The following PDE11A variants were observed in gnomAD, a reference collection of about 807,000 sequenced individuals.
The protein encoded by PDE11A is phosphodiesterase 11A.
Under a neutral mutation model 100.5 loss-of-function variants are expected in PDE11A, and 100 were observed. The ratio of observed to expected loss-of-function variants is 1.00; its 90% CI spans 0.85 to 1.18. PDE11A has a LOEUF of 1.18. Among genes scored for constraint, PDE11A ranks in the 50% most tolerant of loss-of-function variants. The probability of loss-of-function intolerance (pLI) is 0.00; values close to 1 mark genes in which losing one functional copy is unlikely to be tolerated. For synonymous variants in PDE11A, 381 were observed against 420.8 expected (o/e 0.91, Z 1.16); for missense variants, 1,141 against 1,152.6 (o/e 0.99, Z 0.15).
chr2:177,707,375 T>C (rs1220837264), intron 13 of PDE11A, among the ~76,000 whole-genome samples: 7 of 152,318 alleles, frequency 4.6e-5, no homozygotes, highest in South Asian at 2.1e-4. Flanking sequence ...GGAAGGCTGA[T>C]TGAATGATAC....
chr2:177,710,223 G>T (rs1052656554), intron 13 of PDE11A, among the ~76,000 whole-genome samples: 1 of 152,090 alleles, frequency 6.6e-6, no homozygotes, highest in African/African-American at 2.4e-5. Flanking sequence ...CCCTCTTACC[G>T]AGATAGGAGG....
At chr2:177,787,528 A>C (rs963580409) in intron 9 of PDE11A, among the ~76,000 whole-genome samples, 10 of 152,118 alleles carry the variant, frequency 6.6e-5, no homozygotes, top group African/African-American at 2.2e-4. Flanking sequence ...GATCAAATTC[A>C]CAAATAACAA....
At chr2:178,054,998 T>A (rs1171261000) in intron 1 of PDE11A, among the ~76,000 whole-genome samples, 2 of 152,298 alleles carry the variant, frequency 1.3e-5, no homozygotes, top group South Asian at 4.2e-4. Context: ...CATTACTGAG[T>A]ATATACCCAA....
At position 177,626,295 on chromosome 2, in the gene PDE11A, C is replaced by T. The variant is rs1436631852; in HGVS notation, c.*3112G>A. 6.6e-6 allele frequency: 1 copy of T among 152,580 alleles called. No homozygotes were observed. Among genetic ancestry groups the T allele is most frequent in the Non-Finnish European group, 1.5e-5 (1 of 68,038 alleles). 9.5% of individuals were successfully genotyped at this position (152,580 alleles called of 1,614,324 possible). A position where few individuals can be genotyped will look rare whatever the true frequency, so the allele number is the denominator to read the frequency against. On this transcript the variant is annotated 3_prime_UTR_variant, in exon 20 of 20. Transcript: ENST00000286063. ...CTGGGTCCAGTTTTGTCATAAAGCA[C>T]ATGCTTTAAAATGTTGCTGTAGATG...
intron 10 of PDE11A, among the ~76,000 whole-genome samples, chr2:177,756,320 G>T (rs1358896718): frequency 6.6e-6 from 1 of 152,158 alleles, no homozygotes; most frequent in African/African-American, 2.4e-5. Context: ...TGGTTTAAAA[G>T]ATATTTCAGG....
At chr2:177,639,810 G>T (rs2080112165) in intron 19 of PDE11A, among the ~76,000 whole-genome samples, 1 of 152,162 alleles carries the variant, frequency 6.6e-6, no homozygotes, top group Admixed American at 6.5e-5. Context: ...GGACAAGGGA[G>T]GAGCAGAGAG....
intron 1 of PDE11A, among the ~76,000 whole-genome samples, chr2:178,053,469 T>C (rs566892521): frequency 1.1e-4 from 17 of 152,276 alleles, no homozygotes; most frequent in African/African-American, 3.4e-4. Context: ...AGGGATGCCC[T>C]CTCTCACCAC....
At chr2:177,697,565 A>G in intron 14 of PDE11A, 133 bp from the exon 15 acceptor site, 1 of 641,526 alleles carries the variant, frequency 1.6e-6, no homozygotes, top group South Asian at 1.6e-5. Flanking sequence ...GAAATTTTGT[A>G]TAAATATAAA....
chr2:178,054,022 T>C (rs970872771), intron 1 of PDE11A, among the ~76,000 whole-genome samples: 2 of 152,156 alleles, frequency 1.3e-5, no homozygotes, highest in Admixed American at 6.5e-5. Flanking sequence ...TTAAAGTTCA[T>C]ATGGAACCAA....
chr2:177,771,021 G>A (rs1332697950), intron 9 of PDE11A, among the ~76,000 whole-genome samples: 1 of 152,134 alleles, frequency 6.6e-6, no homozygotes, highest in East Asian at 1.9e-4. Context: ...AGAGACAGGT[G>A]TCTCATCATG....
At chr2:178,055,241 G>T (rs13409258) in intron 1 of PDE11A, among the ~76,000 whole-genome samples, 94 of 151,364 alleles carry the variant, frequency 6.2e-4, no homozygotes, top group African/African-American at 2.2e-3. Flanking sequence ...GCAAACTATC[G>T]CAAGGACAGA....
At chr2:178,007,716 A>AT (rs1043301758) in intron 2 of PDE11A, among the ~76,000 whole-genome samples, 24 of 151,986 alleles carry the variant, frequency 1.6e-4, no homozygotes, top group African/African-American at 5.8e-4. Context: ...TTATTTATTT[A>AT]TTTTTTGAGA....
chr2:177,765,644 A>T (rs2082229101), intron 10 of PDE11A, among the ~76,000 whole-genome samples: 2 of 152,148 alleles, frequency 1.3e-5, no homozygotes, highest in African/African-American at 4.8e-5. Context: ...GGAGCATTTG[A>T]TGCACTGAAA....
intron 2 of PDE11A, among the ~76,000 whole-genome samples, chr2:178,097,766 T>C (rs536426652): frequency 2.6e-4 from 40 of 152,330 alleles, no homozygotes; most frequent in Admixed American, 1.2e-3. Flanking sequence ...ATGATCACTC[T>C]AGCTATCAGC....
intron 6 of PDE11A, among the ~76,000 whole-genome samples, chr2:177,829,801 AC>A (rs1239189951): frequency 2.0e-5 from 3 of 151,364 alleles, no homozygotes; most frequent in African/African-American, 7.3e-5. Context: ...ACCTGCCACC[AC>A]CCCCAACTCT....
chr2:177,759,278 T>C (rs1281812649), intron 10 of PDE11A, among the ~76,000 whole-genome samples: 1 of 152,174 alleles, frequency 6.6e-6, no homozygotes, highest in Non-Finnish European at 1.5e-5. Context: ...AAAATTTACC[T>C]TGAGAGTTTT....
intron 2 of PDE11A, among the ~76,000 whole-genome samples, chr2:177,957,957 G>T: frequency 8.1e-6 from 1 of 124,084 alleles, no homozygotes; most frequent in East Asian, 2.4e-4. Flanking sequence ...CTGGAGTGCA[G>T]TGGCGCAATC....
chr2:177,783,772 T>C (rs148306872), intron 9 of PDE11A, among the ~76,000 whole-genome samples: 34 of 152,356 alleles, frequency 2.2e-4, no homozygotes, highest in African/African-American at 6.7e-4. Flanking sequence ...GCCTATTCAC[T>C]TAGATTTCAA....
At chr2:177,984,532 T>G (rs574261869) in intron 2 of PDE11A, among the ~76,000 whole-genome samples, 96 of 152,336 alleles carry the variant, frequency 6.3e-4, no homozygotes, top group African/African-American at 2.2e-3. Context: ...ATTGTATGTT[T>G]CAGTTCCCAA....
Sources: gnomAD v4.1 joint callset for allele counts (sites outside exome capture counted in the v4.1 genomes callset) on GRCh38, gnomAD v4.1.1 for gene constraint, MANE v1.5 for transcripts, NCBI Gene and HGNC (gene_info 2026-07-23, HGNC 2026-07-21) for gene names.